The following CEP164 variants were observed in gnomAD, a reference collection of about 807,000 sequenced individuals.
CEP164 encodes centrosomal protein of 164 kDa.
A neutral mutation model predicts 182.7 loss-of-function variants in CEP164; 162 were observed. The ratio of observed to expected loss-of-function variants is 0.89; its 90% CI spans 0.78 to 1.01. The LOEUF (loss-of-function observed/expected upper bound fraction) is 1.01, where lower values mean the gene tolerates loss of function less well. Ranked by LOEUF, CEP164 falls within the 50% of genes least tolerant of loss-of-function variation. The pLI, the probability that CEP164 is intolerant of heterozygous loss-of-function variation, is 0.00. For synonymous variants in CEP164, 661 were observed against 690.0 expected (o/e 0.96, Z 0.66); for missense variants, 1,735 against 1,790.4 (o/e 0.97, Z 0.56).
intron 1 of CEP164, among the ~76,000 whole-genome samples, chr11:117,333,160 G>A (rs1219017594): frequency 1.3e-5 from 2 of 151,134 alleles, no homozygotes; most frequent in African/African-American, 4.9e-5. Flanking sequence ...CTACAGGTGT[G>A]TGTCACCATG....
At chr11:117,325,425 A>C (rs2035393541), upstream of CEP164, among the ~76,000 whole-genome samples, 1 of 150,760 alleles carries the variant, frequency 6.6e-6, no homozygotes, top group Non-Finnish European at 1.5e-5. Context: ...CGCTCTTGTC[A>C]AACAGGGTGG....
intron 15 of CEP164, among the ~76,000 whole-genome samples, chr11:117,389,818 G>T (rs1236327882): frequency 6.6e-6 from 1 of 152,146 alleles, no homozygotes; most frequent in Non-Finnish European, 1.5e-5. Flanking sequence ...AAAGAATGTG[G>T]AATCTGGTTG....
chr11:117,357,747 C>T (rs1368658664), intron 5 of CEP164, among the ~76,000 whole-genome samples: 1 of 151,346 alleles, frequency 6.6e-6, no homozygotes, highest in East Asian at 1.9e-4. Flanking sequence ...TTATGAGAGA[C>T]GGAGGCCAGA....
chr11:117,347,551 A>T (rs1192074136), intron 4 of CEP164, among the ~76,000 whole-genome samples: 1 of 152,072 alleles, frequency 6.6e-6, no homozygotes, highest in Non-Finnish European at 1.5e-5. Flanking sequence ...TCTCTACTAA[A>T]AATGCAAAAT....
At chr11:117,338,492 A>T (rs1565415999) in intron 2 of CEP164, 74 bp from the exon 3 acceptor site, 13 of 1,080,082 alleles carry the variant, frequency 1.2e-5, no homozygotes, top group Non-Finnish European at 1.9e-5. Flanking sequence ...ATGCTCCATG[A>T]CCCAGTGCCA....
In CEP164 at chr11:117,395,788, T is replaced by A; in HGVS notation, c.3089+66T>A. ...CTGCCTGCCCTCTGACCTCTGCTGCTTGTGTCATGGCCCAGTTAATAGGGA... is the reference window on the plus strand; with the variant it reads ...CTGCCTGCCCTCTGACCTCTGCTGCATGTGTCATGGCCCAGTTAATAGGGA... On this transcript the variant is annotated intron_variant, in intron 24 of 32. Coordinates refer to ENST00000278935, the MANE Select transcript of CEP164 (RefSeq NM_014956.5). The A allele has an allele frequency of 1.3e-6, 2 of 1,529,168 alleles. 1 individual carries two copies. Among genetic ancestry groups the A allele is most frequent in the Non-Finnish European group, 1.8e-6 (2 of 1,132,860 alleles). The allele number at this position is 1,529,168 out of a possible 1,614,324, so 94.7% of individuals were successfully genotyped here.
At chr11:117,401,379 T>C (rs1207697776) in intron 27 of CEP164, among the ~76,000 whole-genome samples, 4 of 151,996 alleles carry the variant, frequency 2.6e-5, no homozygotes, top group Non-Finnish European at 4.4e-5. Flanking sequence ...TGCTGCTAGA[T>C]TCAGTATTTT....
intron 13 of CEP164, 98 bp downstream of exon 13, chr11:117,381,966 G>T: frequency 2.4e-5 from 20 of 834,046 alleles, no homozygotes; most frequent in South Asian, 4.8e-5. Flanking sequence ...TGGGGGTGGG[G>T]TTGGCTTGGG....
intron 8 of CEP164, among the ~76,000 whole-genome samples, chr11:117,368,885 C>T (rs1048453524): frequency 4.6e-5 from 7 of 152,296 alleles, no homozygotes; most frequent in African/African-American, 9.6e-5. Flanking sequence ...GTAGCACTGG[C>T]GGGTACCTGC....
In CEP164 at chr11:117,394,501, G is replaced by T; in HGVS notation, c.2760+8G>T. 6.2e-7 allele frequency: 1 copy of T among 1,613,208 alleles called. No homozygotes were observed. Among genetic ancestry groups the T allele is most frequent in the Non-Finnish European group, 8.5e-7 (1 of 1,179,892 alleles). On this transcript the variant is annotated splice_region_variant and intron_variant, in intron 21 of 32. Transcript: ENST00000278935. The surrounding 1 kb of genome is among the most constrained non-coding windows in gnomAD (Gnocchi z 4.0). ...CGCCGGCACAGGGAGCAGGTGAGGG[G>T]CCTGGGGCAGGGTGAGCCCACTGTG...
chr11:117,412,020 C>T (rs2047412375), intron 32 of CEP164, 52 bp from the exon 33 acceptor site: 1 of 1,611,044 alleles, frequency 6.2e-7, no homozygotes, highest in African/African-American at 1.3e-5. Flanking sequence ...CCTTTCATGG[C>T]CCCTGCCTGG....
At chr11:117,347,519 T>TGAC (rs1210206397) in intron 4 of CEP164, among the ~76,000 whole-genome samples, 1 of 152,154 alleles carries the variant, frequency 6.6e-6, no homozygotes, top group Non-Finnish European at 1.5e-5. Flanking sequence ...GAGACCAGCC[T>TGAC]GACCAATGTG....
At chr11:117,358,707 AT>A (rs1467619482) in intron 5 of CEP164, among the ~76,000 whole-genome samples, 1 of 151,802 alleles carries the variant, frequency 6.6e-6, no homozygotes, top group South Asian at 2.1e-4. Context: ...ATTAAAAATT[AT>A]TTTTTTGTAG....
At chr11:117,324,656 G>C (rs956971307), upstream of CEP164, among the ~76,000 whole-genome samples, 3 of 152,078 alleles carry the variant, frequency 2.0e-5, no homozygotes, top group African/African-American at 4.8e-5. Context: ...CTTCCCATGA[G>C]AGAGCAAGGA....
chr11:117,395,752 C>T (rs1157674350), intron 24 of CEP164, 30 bp downstream of exon 24: 33 of 1,582,614 alleles, frequency 2.1e-5, no homozygotes, highest in Non-Finnish European at 2.7e-5. Flanking sequence ...CTTAGCCCTG[C>T]TGGCTGCCTC....
chr11:117,338,291 C>A (rs904054739), intron 2 of CEP164, among the ~76,000 whole-genome samples: 7 of 152,180 alleles, frequency 4.6e-5, no homozygotes, highest in Non-Finnish European at 7.3e-5. Flanking sequence ...CTGGGGGAGG[C>A]ACAAAGTCAA....
chr11:117,346,461 G>A (rs991239303), intron 4 of CEP164, among the ~76,000 whole-genome samples: 8 of 151,980 alleles, frequency 5.3e-5, no homozygotes, highest in African/African-American at 1.9e-4. Flanking sequence ...GTTTCGCCAT[G>A]TTGATCAGGC....
In CEP164 at chr11:117,394,576, GCAGGATGCAGCCTGA is replaced by G. The variant is rs1202333613; in HGVS notation, c.2760+87_2760+101del. ...TGCTGGGAGCAGACGCATGGCCCCA[GCAGGATGCAGCCTGA>G]CAGCTTCTGGAGTGAGAGTCTCTCA... On this transcript the variant is annotated intron_variant, in intron 21 of 32. Transcript: ENST00000278935. The surrounding 1 kb of genome is among the most constrained non-coding windows in gnomAD (Gnocchi z 4.0). 2.6e-6 allele frequency: 4 copies of G among 1,520,402 alleles called. No homozygotes were observed. In the African/African-American group the frequency reaches 5.5e-5, roughly 21 times the overall value. The allele number at this position is 1,520,402 out of a possible 1,614,324, so 94.2% of individuals were successfully genotyped here.
At position 117,382,674 on chromosome 11, in the gene CEP164, A is replaced by G. The variant is rs1431514270; in HGVS notation, c.1578-122A>G. On this transcript the variant is annotated intron_variant, in intron 13 of 32. Coordinates refer to ENST00000278935, the MANE Select transcript of CEP164 (RefSeq NM_014956.5). Reference sequence around the variant, plus strand: ...GAGAGGGAGGTCTAAGACCCGAGGTAGGGAAATTGTTGGGCTGTCTCTCTT... The same window carrying G: ...GAGAGGGAGGTCTAAGACCCGAGGTGGGGAAATTGTTGGGCTGTCTCTCTT... The G allele has an allele frequency of 6.9e-6, 8 of 1,159,192 alleles. No homozygotes were observed. The East Asian group carries it at 1.7e-4, about 24-fold the overall frequency. 71.8% of individuals were successfully genotyped at this position (1,159,192 alleles called of 1,614,324 possible).
Sources: allele counts gnomAD v4.1 joint callset (sites outside exome capture counted in the v4.1 genomes callset), GRCh38; gene constraint gnomAD v4.1.1; non-coding constraint Gnocchi (gnomAD v3.1); transcripts MANE v1.5; gene names NCBI Gene and HGNC (gene_info 2026-07-23, HGNC 2026-07-21).